CEP128: variants seen among roughly 807,000 people sequenced by gnomAD.
CEP128 encodes centrosomal protein 128kDa.
In CEP128, 132 loss-of-function variants were observed where a neutral mutation model predicts 156.7. The ratio of observed to expected loss-of-function variants is 0.84; its 90% CI spans 0.73 to 0.97. The LOEUF (loss-of-function observed/expected upper bound fraction) is 0.97. Among genes scored for constraint, CEP128 ranks in the 50% least tolerant of loss-of-function variants. The pLI, the probability that CEP128 is intolerant of heterozygous loss-of-function variation, is 0.00. For missense variants in CEP128, 1,252 were observed against 1,281.9 expected (o/e 0.98, Z 0.36); for synonymous variants, 469 against 448.9 (o/e 1.04, Z -0.57).
chr14:80,613,469 A>AT (rs368473582), intron 19 of CEP128, among the ~76,000 whole-genome samples: 5,156 of 139,724 alleles, frequency 0.037, 309 homozygotes, highest in African/African-American at 0.12. Flanking sequence ...TGGCTGGCTA[A>AT]TTTTTTTTTT....
chr14:80,608,238 T>C (rs113522218), intron 19 of CEP128, among the ~76,000 whole-genome samples: 30 of 152,316 alleles, frequency 2.0e-4, no homozygotes, highest in African/African-American at 7.0e-4. Flanking sequence ...ATTTGTTTAA[T>C]TGTTTTGTCT....
intron 19 of CEP128, among the ~76,000 whole-genome samples, chr14:80,617,181 T>G (rs1318396597): frequency 6.8e-6 from 1 of 147,626 alleles, no homozygotes; most frequent in African/African-American, 2.5e-5. Flanking sequence ...TACTCTCTGA[T>G]CCATTGGGGC....
At position 80,792,925 on chromosome 14, in the gene CEP128, G is replaced by C. The variant is rs1428945840; in HGVS notation, c.1395C>G (p.Leu465=). ...TKQAERYLSE[L]QQSEALKEEA... is the part of the protein sequence containing the mutation. ...CCTCTTTCAGAGCCTCTGACTGCTG[G>C]AGCTCACTGAGGTACCGCTCAGCCT... Residue 465 remains leucine, a synonymous_variant, in exon 14 of 25, where the codon CTC becomes CTG. Coordinates refer to ENST00000555265, the MANE Select transcript of CEP128 (RefSeq NM_152446.5). The C allele has an allele frequency of 5.6e-6, 9 of 1,614,140 alleles. No homozygotes were observed. Among genetic ancestry groups the C allele is most frequent in the African/African-American group, 1.3e-5 (1 of 75,064 alleles).
chr14:80,615,323 G>A (rs990923397), intron 19 of CEP128, among the ~76,000 whole-genome samples: 2 of 152,202 alleles, frequency 1.3e-5, no homozygotes, highest in African/African-American at 4.8e-5. Flanking sequence ...TCCACTATGT[G>A]ATATTAATTT....
intron 8 of CEP128, among the ~76,000 whole-genome samples, chr14:80,874,274 G>A (rs1272808082): frequency 6.6e-6 from 1 of 151,972 alleles, no homozygotes; most frequent in African/African-American, 2.4e-5. Context: ...GACCAGCCTG[G>A]CCAACATCGC....
intron 19 of CEP128, among the ~76,000 whole-genome samples, chr14:80,610,138 C>T (rs1423273732): frequency 2.6e-5 from 4 of 152,160 alleles, no homozygotes; most frequent in East Asian, 1.9e-4. Flanking sequence ...CTGAAAGCAG[C>T]GCAGTATGAA....
chr14:80,684,671 T>C (rs1318283507), intron 19 of CEP128, among the ~76,000 whole-genome samples: 1 of 147,288 alleles, frequency 6.8e-6, no homozygotes, highest in Non-Finnish European at 1.5e-5. Context: ...AGTCAATATC[T>C]CTGAGAAACA....
chr14:80,605,562 A>G (rs751508088), intron 19 of CEP128, among the ~76,000 whole-genome samples: 2 of 152,094 alleles, frequency 1.3e-5, no homozygotes, highest in Non-Finnish European at 2.9e-5. Flanking sequence ...GACTCTTTTT[A>G]AATTCCAAGA....
At chr14:80,723,771 A>G (rs925737388) in intron 19 of CEP128, among the ~76,000 whole-genome samples, 3 of 152,214 alleles carry the variant, frequency 2.0e-5, no homozygotes, top group African/African-American at 7.2e-5. Context: ...CCTAATTTTA[A>G]GGTCTTAATT....
chr14:80,766,655 A>C (rs1900254624), intron 16 of CEP128, among the ~76,000 whole-genome samples: 2 of 152,162 alleles, frequency 1.3e-5, no homozygotes, highest in South Asian at 4.1e-4. Context: ...CAAACACCTT[A>C]AACAGAAATA....
At chr14:80,499,707 T>C (rs1468246259) in intron 24 of CEP128, among the ~76,000 whole-genome samples, 2 of 152,212 alleles carry the variant, frequency 1.3e-5, no homozygotes, top group Non-Finnish European at 2.9e-5. Flanking sequence ...ATCAGATTAC[T>C]ATGGACCTCA....
In CEP128 at chr14:80,743,126, G is replaced by C; in HGVS notation, c.2755C>G (p.Gln919Glu). 2 of 1,613,716 alleles carry C rather than the reference G, an allele frequency of 1.2e-6. No individual in the cohort carries two copies. The highest frequency in any genetic ancestry group is 1.7e-6 in the Non-Finnish European group (2 of 1,179,792). ...KESELQCLFQ[Q>E]IERQEQLLDE... is the part of the protein sequence containing the mutation. Reference sequence around the variant, plus strand: ...AGAAGCTGCTCCTGCCTTTCTATCTGTTGAAAGAGACACTGCAACTCAGAT... The same window carrying C: ...AGAAGCTGCTCCTGCCTTTCTATCTCTTGAAAGAGACACTGCAACTCAGAT... The change falls in exon 19 of 25, where the codon CAG (glutamine) becomes GAG (glutamate). Residue 919 changes from glutamine to glutamate, a missense_variant. Gln to Glu is a conservative substitution (Grantham distance 29, BLOSUM62 2). Transcript: ENST00000555265.
intron 16 of CEP128, among the ~76,000 whole-genome samples, chr14:80,777,248 G>A (rs751832059): frequency 1.5e-4 from 23 of 152,102 alleles, no homozygotes; most frequent in Non-Finnish European, 3.1e-4. Flanking sequence ...GAGGTGATTT[G>A]GGAGGTGAAT....
chr14:80,901,484 C>A (rs28665173), intron 6 of CEP128, among the ~76,000 whole-genome samples: 6,482 of 152,078 alleles, frequency 0.043, 478 homozygotes, highest in African/African-American at 0.15. Flanking sequence ...GTAAACAAAC[C>A]ACAAATTTTT....
At chr14:80,849,388 G>A (rs1285251538) in intron 9 of CEP128, among the ~76,000 whole-genome samples, 1 of 152,094 alleles carries the variant, frequency 6.6e-6, no homozygotes, top group African/African-American at 2.4e-5. Context: ...CAGCATCACT[G>A]TAACTTGATT....
intron 18 of CEP128, among the ~76,000 whole-genome samples, chr14:80,746,706 A>C (rs1263471019): frequency 6.6e-6 from 1 of 152,226 alleles, no homozygotes; most frequent in Non-Finnish European, 1.5e-5. Flanking sequence ...TGTAACACCA[A>C]AAGCAGAAGC....
At chr14:80,720,367 A>T (rs1263057891) in intron 19 of CEP128, among the ~76,000 whole-genome samples, 1 of 152,130 alleles carries the variant, frequency 6.6e-6, no homozygotes, top group Non-Finnish European at 1.5e-5. Flanking sequence ...CAAAATGAAT[A>T]CTGCAAGCTG....
chr14:80,863,684 C>T (rs1887628469), intron 8 of CEP128, among the ~76,000 whole-genome samples: 1 of 152,118 alleles, frequency 6.6e-6, no homozygotes, highest in African/African-American at 2.4e-5. Context: ...GCAATAAACA[C>T]AGCTGTTATA....
At chr14:80,739,545 A>G (rs1042819315) in intron 19 of CEP128, among the ~76,000 whole-genome samples, 3 of 152,142 alleles carry the variant, frequency 2.0e-5, no homozygotes, top group Non-Finnish European at 4.4e-5. Flanking sequence ...AAGCTTTTCT[A>G]TGACTAGTAG....
Sources: gnomAD v4.1 joint callset for allele counts (sites outside exome capture counted in the v4.1 genomes callset) on GRCh38, gnomAD v4.1.1 for gene constraint, MANE v1.5 for transcripts, NCBI Gene and HGNC (gene_info 2026-07-23, HGNC 2026-07-21) for gene names.